The following NR2F1-AS1 variants were observed in gnomAD, a reference collection of about 807,000 sequenced individuals.
NR2F1-AS1 encodes NR2F1 antisense RNA 1.
intron 4 of NR2F1-AS1, among the ~76,000 whole-genome samples, chr5:93,434,191 C>CAG (rs1478539844): frequency 6.6e-6 from 1 of 152,016 alleles, no homozygotes; most frequent in Non-Finnish European, 1.5e-5. Context: ...AAGGGATGAT[C>CAG]AGTTTAGTGC....
At chr5:93,578,270 C>T (rs1482356342) in intron 1 of NR2F1-AS1, among the ~76,000 whole-genome samples, 1 of 152,206 alleles carries the variant, frequency 6.6e-6, no homozygotes, top group Non-Finnish European at 1.5e-5. Context: ...TGGGAGAGAT[C>T]AAGCTTTGTC....
At chr5:93,464,876 T>C (rs1750191763) in intron 4 of NR2F1-AS1, among the ~76,000 whole-genome samples, 1 of 152,192 alleles carries the variant, frequency 6.6e-6, no homozygotes, top group South Asian at 2.1e-4. Flanking sequence ...CTAGGAAAAG[T>C]CACCTATTCC....
chr5:93,499,661 C>A (rs1052725719), intron 4 of NR2F1-AS1, among the ~76,000 whole-genome samples: 7 of 152,132 alleles, frequency 4.6e-5, no homozygotes, highest in East Asian at 1.9e-4. Context: ...AATAACCCTA[C>A]AATGGCCTCT....
chr5:93,502,460 ATAAC>A lies in NR2F1-AS1; in HGVS notation n.638+51297_638+51300del, dbSNP rs1280155962. Among the ~76,000 whole-genome samples, 384 of 152,348 alleles carry A rather than the reference ATAAC, an allele frequency of 2.5e-3. 1 individual carries two copies. The highest frequency in any genetic ancestry group is 8.2e-3 in the African/African-American group (343 of 41,588). On this transcript the variant is annotated intron_variant and non_coding_transcript_variant, in intron 4 of 5. Transcript: ENST00000660523. ...AGACAGCATAACAACTTAAGAACAT[ATAAC>A]GTAGAAACTGAACCTAGGGGCCAGT... is the stretch of plus-strand genomic sequence containing the variant.
At chr5:93,416,591 T>C (rs1191071397) in intron 4 of NR2F1-AS1, among the ~76,000 whole-genome samples, 1 of 152,172 alleles carries the variant, frequency 6.6e-6, no homozygotes, top group Non-Finnish European at 1.5e-5. Flanking sequence ...CTTTTTACCT[T>C]ATATTATCTC....
chr5:93,509,939 G>A (rs1221310480), intron 4 of NR2F1-AS1, among the ~76,000 whole-genome samples: 1 of 151,800 alleles, frequency 6.6e-6, no homozygotes, highest in Non-Finnish European at 1.5e-5. Context: ...GTAAAACATT[G>A]AGAAAATAAG....
At chr5:93,459,176 A>G (rs1750034456) in intron 4 of NR2F1-AS1, among the ~76,000 whole-genome samples, 1 of 152,166 alleles carries the variant, frequency 6.6e-6, no homozygotes. Flanking sequence ...ACAAGCTTTA[A>G]AGCTTATCTA....
intron 4 of NR2F1-AS1, among the ~76,000 whole-genome samples, chr5:93,504,605 T>C (rs1188110700): frequency 6.6e-6 from 1 of 152,010 alleles, no homozygotes; most frequent in Non-Finnish European, 1.5e-5. Flanking sequence ...TCCACATGGC[T>C]GGGGAGGCCT....
chr5:93,577,601 A>G (rs1752925104), intron 1 of NR2F1-AS1, among the ~76,000 whole-genome samples: 1 of 152,224 alleles, frequency 6.6e-6, no homozygotes. Context: ...TTAGATGGGC[A>G]TTCCTGCACC....
intron 4 of NR2F1-AS1, among the ~76,000 whole-genome samples, chr5:93,415,568 TTTA>T: frequency 6.6e-6 from 1 of 152,354 alleles, no homozygotes; most frequent in African/African-American, 2.4e-5. Flanking sequence ...GACTTGTGAA[TTTA>T]TTTTTATGAA....
chr5:93,567,731 T>C (rs1172337201), intron 1 of NR2F1-AS1, among the ~76,000 whole-genome samples: 2 of 152,154 alleles, frequency 1.3e-5, no homozygotes, highest in Non-Finnish European at 2.9e-5. Flanking sequence ...GAGGAATCAG[T>C]TTATTTAAAG....
intron 4 of NR2F1-AS1, among the ~76,000 whole-genome samples, chr5:93,447,720 T>C (rs906634104): frequency 6.6e-6 from 1 of 152,146 alleles, no homozygotes; most frequent in Non-Finnish European, 1.5e-5. Flanking sequence ...TACCCAAAGA[T>C]TATAAATCAT....
intron 1 of NR2F1-AS1, among the ~76,000 whole-genome samples, chr5:93,573,664 G>T (rs1012171772): frequency 6.6e-6 from 1 of 152,174 alleles, no homozygotes; most frequent in African/African-American, 2.4e-5. Context: ...TGAAAAGTGC[G>T]CGACTAAAGA....
At chr5:93,481,274 G>T (rs1349998407) in intron 4 of NR2F1-AS1, among the ~76,000 whole-genome samples, 2 of 151,888 alleles carry the variant, frequency 1.3e-5, no homozygotes, top group Non-Finnish European at 2.9e-5. Context: ...AAAAGACAAA[G>T]AAATACATTT....
At chr5:93,517,765 T>C (rs999719421) in intron 4 of NR2F1-AS1, among the ~76,000 whole-genome samples, 3 of 152,138 alleles carry the variant, frequency 2.0e-5, no homozygotes, top group Admixed American at 1.3e-4. Flanking sequence ...CATTTATTTA[T>C]ATTCTTATCA....
chr5:93,580,497 T>C (rs965362825), exon 1 of NR2F1-AS1: 6 of 152,306 alleles, frequency 3.9e-5, no homozygotes, highest in Admixed American at 3.9e-4. Context: ...CGAGTCTCGT[T>C]TCTGGTGCCC....
rs1338859189 is a variant in NR2F1-AS1, at chr5:93,579,400, G to C, written n.313+1067C>G. 6.6e-6 allele frequency among the ~76,000 whole-genome samples: 1 copy of C among 152,144 alleles called. No homozygotes were observed. Among genetic ancestry groups the C allele is most frequent in the Non-Finnish European group, 1.5e-5 (1 of 68,020 alleles). Reference sequence around the variant, plus strand: ...GGGCCCAACTTCTCCCCACCGCTAGGGTCACGCCGGGTCCCAGGGGCCTCT... The same window carrying C: ...GGGCCCAACTTCTCCCCACCGCTAGCGTCACGCCGGGTCCCAGGGGCCTCT... On this transcript the variant is annotated intron_variant and non_coding_transcript_variant, in intron 1 of 5. Transcript: ENST00000660523. The surrounding 1 kb of genome is among the most constrained non-coding windows in gnomAD (Gnocchi z 5.1).
At chr5:93,516,653 A>C (rs1202256075) in intron 4 of NR2F1-AS1, among the ~76,000 whole-genome samples, 1 of 151,934 alleles carries the variant, frequency 6.6e-6, no homozygotes, top group Non-Finnish European at 1.5e-5. Context: ...TCAGAGATAC[A>C]AAACTAATAA....
In NR2F1-AS1 at chr5:93,579,083, G is replaced by A. The variant is rs1561516623; in HGVS notation, n.313+1384C>T. Reference sequence around the variant, plus strand: ...GTGCAACCGCGGTCGGGGAGCACAGGCTTCCGAAGAGAAACTGAGCTCTAA... The same window carrying A: ...GTGCAACCGCGGTCGGGGAGCACAGACTTCCGAAGAGAAACTGAGCTCTAA... On this transcript the variant is annotated intron_variant and non_coding_transcript_variant, in intron 1 of 5. Coordinates refer to ENST00000660523, the Ensembl canonical transcript of NR2F1-AS1. This position sits in a 1 kb window ranked among gnomAD's most constrained non-coding sequence, Gnocchi z 5.1. Among the ~76,000 whole-genome samples, 1 of 152,104 alleles carries A rather than the reference G, an allele frequency of 6.6e-6. No homozygotes were observed. The highest frequency in any genetic ancestry group is 6.5e-5 in the Admixed American group (1 of 15,272).
Sources: gnomAD v4.1 joint callset for allele counts (sites outside exome capture counted in the v4.1 genomes callset) on GRCh38, gnomAD v4.1.1 for gene constraint, Gnocchi (gnomAD v3.1) non-coding constraint, MANE v1.5 for transcripts, NCBI Gene and HGNC (gene_info 2026-07-23, HGNC 2026-07-21) for gene names.